Variants in UNC80 observed in about 807,000 individuals in gnomAD.
UNC80 encodes protein unc-80 homolog.
UNC80 carries 164 observed loss-of-function variants against 384.6 expected under a neutral mutation model. The ratio of observed to expected loss-of-function variants is 0.43; its 90% confidence interval spans 0.38 to 0.49. The LOEUF (loss-of-function observed/expected upper bound fraction) is 0.49, where lower values mean the gene tolerates loss of function less well. Among genes scored for constraint, UNC80 ranks in the 20% least tolerant of loss-of-function variants. The pLI is 0.00. For synonymous variants in UNC80, 1,486 were observed against 1,527.8 expected (o/e 0.97, Z 0.64); for missense variants, 3,330 against 4,143.0 (o/e 0.80, Z 5.39).
In UNC80 at chr2:209,831,104, C is replaced by CT. The variant is rs1203578351; in HGVS notation, c.2627-330dup. Among the ~76,000 whole-genome samples the CT allele has an allele frequency of 6.1e-5, 9 of 146,678 alleles. No individual in the cohort carries two copies. The East Asian group carries it at 8.0e-4, about 13-fold the overall frequency. Reference sequence around the variant, plus strand: ...GGTTATTTAGGAGCTTTTTTTTTTTCTTTTTTTTTCTGTAAGTGATCACCT... The same window carrying CT: ...GGTTATTTAGGAGCTTTTTTTTTTTCTTTTTTTTTTCTGTAAGTGATCACCT... On this transcript the variant is annotated intron_variant, in intron 15 of 64. Transcript: ENST00000673920.
rs575425346 is a variant in UNC80, at chr2:209,882,148, A to G, written c.4110+1054A>G. 7.9e-3 allele frequency among the ~76,000 whole-genome samples: 1,204 copies of G among 151,950 alleles called. 8 individuals carry two copies. The highest frequency in any genetic ancestry group is 0.013 in the Non-Finnish European group (888 of 67,938). ...TGCCTGGCTAATTTTTTGTATTTTC[A>G]GTAGAGACGGGGTTTCACCATGTTA... is the stretch of plus-strand genomic sequence containing the variant. On this transcript the variant is annotated intron_variant, in intron 25 of 64. Coordinates refer to ENST00000673920, the MANE Select transcript of UNC80 (RefSeq NM_001371986.1).
intron 28 of UNC80, among the ~76,000 whole-genome samples, chr2:209,897,785 G>A (rs1042080568): frequency 6.6e-6 from 1 of 152,124 alleles, no homozygotes; most frequent in African/African-American, 2.4e-5. Flanking sequence ...CAAGCATTGT[G>A]TAAGAACAGT....
At chr2:209,990,668 TTGTC>T (rs1447534275) in intron 61 of UNC80, among the ~76,000 whole-genome samples, 2 of 152,208 alleles carry the variant, frequency 1.3e-5, no homozygotes, top group African/African-American at 2.4e-5. Flanking sequence ...GCCAGCAACA[TTGTC>T]TGGATTGCTT....
chr2:209,868,550 T>G (rs543795897), intron 22 of UNC80, among the ~76,000 whole-genome samples: 2 of 152,314 alleles, frequency 1.3e-5, no homozygotes, highest in Admixed American at 1.3e-4. Context: ...AGTATCTCAA[T>G]TCTCTGCCTC....
intron 11 of UNC80, 43 bp downstream of exon 11, chr2:209,817,995 T>TTTTTTG: frequency 6.5e-7 from 1 of 1,547,658 alleles, no homozygotes; most frequent in South Asian, 1.2e-5. Context: ...TCAGAGTTCT[T>TTTTTTG]TTTTTGTTTT....
intron 26 of UNC80, among the ~76,000 whole-genome samples, chr2:209,890,418 T>A (rs1433514316): frequency 6.6e-6 from 1 of 152,180 alleles, no homozygotes; most frequent in Non-Finnish European, 1.5e-5. Context: ...CACTATCACT[T>A]GATTCCTTAG....
rs947876867 is a variant in UNC80, at chr2:209,946,980, C to T, written c.7286+1037C>T. Among the ~76,000 whole-genome samples the T allele has an allele frequency of 5.3e-5, 8 of 152,222 alleles. No individual in the cohort carries two copies. The East Asian group carries it at 5.8e-4, about 11-fold the overall frequency. On this transcript the variant is annotated intron_variant, in intron 47 of 64. Transcript: ENST00000673920. ...TAAGAAGTGTTTTCCCCAATATTCT[C>T]GAATTTTTGTCTTCTGGAGCAATGG...
chr2:209,808,742 C>A (rs903388937), intron 7 of UNC80: 2 of 238,958 alleles, frequency 8.4e-6, no homozygotes, highest in Admixed American at 5.2e-5. Flanking sequence ...AAGGCTCGGC[C>A]TAGTGAGTGG....
At chr2:209,937,432 A>G in intron 41 of UNC80, 97 bp from the exon 42 acceptor site, 1 of 883,334 alleles carries the variant, frequency 1.1e-6, no homozygotes, top group Non-Finnish European at 1.8e-6. Context: ...CTCCTGGCAT[A>G]GCATCCTAGT....
Position 209,839,450 on chromosome 2 carries a change from T to G in UNC80, c.3250+20T>G, listed in dbSNP as rs1307221575. On this transcript the variant is annotated intron_variant, in intron 19 of 64. Transcript: ENST00000673920. This position sits in a 1 kb window ranked among gnomAD's most constrained non-coding sequence, Gnocchi z 4.1. ...CCATAGGTAAAAGTATGTCTGTATTTGTTTATGGATTATCTTATTACCAAC... is the reference window on the plus strand; with the variant it reads ...CCATAGGTAAAAGTATGTCTGTATTGGTTTATGGATTATCTTATTACCAAC... 1.9e-6 allele frequency: 3 copies of G among 1,551,604 alleles called. No individual in the cohort carries two copies. Among genetic ancestry groups the G allele is most frequent in the Non-Finnish European group, 2.6e-6 (3 of 1,146,784 alleles).
intron 29 of UNC80, among the ~76,000 whole-genome samples, chr2:209,910,102 T>A (rs2088743981): frequency 6.6e-6 from 1 of 150,806 alleles, no homozygotes; most frequent in Admixed American, 6.6e-5. Flanking sequence ...AACTCAAGAC[T>A]AGTAACCCAA....
rs540511484 is a variant in UNC80, at chr2:209,894,281, G to A, written c.4395G>A (p.Lys1465=). The A allele has an allele frequency of 1.0e-6, 1 of 985,424 alleles. No individual in the cohort carries two copies. Among genetic ancestry groups the A allele is most frequent in the Non-Finnish European group, 1.2e-6 (1 of 829,930 alleles). The allele number at this position is 985,424 out of a possible 1,614,324, so 61.0% of individuals were successfully genotyped here. A position where few individuals can be genotyped will look rare whatever the true frequency, so the allele number is the denominator to read the frequency against. The change falls in exon 27 of 65, where the codon AAG becomes AAA. Residue 1465 remains lysine (K), a synonymous_variant. Transcript: ENST00000673920. ...LSSIRRVGSL[K]SSKLSRQDSE... is the part of the protein sequence containing the mutation. ...GCATTCGCCGGGTCGGCAGCTTAAA[G>A]AGCAGCAAGTTATCACGGCAGGACT...
rs551466259 is a variant in UNC80 at position 209,994,529 on chromosome 2, T to C, written c.9708+265T>C. Among the ~76,000 whole-genome samples, 12 of 152,298 alleles carry C rather than the reference T, an allele frequency of 7.9e-5. No homozygotes were observed. In the East Asian group the frequency reaches 1.9e-3, roughly 24 times the overall value. On this transcript the variant is annotated intron_variant, in intron 64 of 64. Coordinates refer to ENST00000673920, the MANE Select transcript of UNC80 (RefSeq NM_001371986.1). ...GGAAATACTTTGCAGCTAAAACAGC[T>C]CTTTAAAACAGGTTTATACAGGTTG... is the stretch of plus-strand genomic sequence containing the variant.
chr2:209,780,376 A>G (rs1314209174), intron 4 of UNC80, among the ~76,000 whole-genome samples: 1 of 152,184 alleles, frequency 6.6e-6, no homozygotes. Context: ...TGTCATTGCT[A>G]TGGGGAAAGC....
At chr2:209,955,379 C>T (rs900664001) in intron 48 of UNC80, among the ~76,000 whole-genome samples, 11 of 152,038 alleles carry the variant, frequency 7.2e-5, no homozygotes, top group African/African-American at 2.7e-4. Flanking sequence ...TCATGAGCTA[C>T]ATTGCCAAAC....
At chr2:209,893,248 G>A (rs1044060957) in intron 26 of UNC80, among the ~76,000 whole-genome samples, 2 of 152,066 alleles carry the variant, frequency 1.3e-5, no homozygotes, top group Non-Finnish European at 2.9e-5. Context: ...TATAAAATTG[G>A]CCCCTTCCTG....
rs2085245386 is a variant in UNC80, at chr2:209,881,079, C to T, written c.4095C>T (p.Arg1365=). ...RETFSCLPRP[R]TEPLVDLESC... is the part of the protein sequence containing the mutation. ...CCTTTTCTTGCCTGCCCAGACCTCG[C>T]ACTGAGCCTCTGGTGGTAAGTTAAA... Residue 1365 remains arginine (R), a synonymous_variant, in exon 25 of 65, where the codon CGC becomes CGT. Transcript: ENST00000673920. The T allele has an allele frequency of 1.3e-6, 2 of 1,551,690 alleles. No homozygotes were observed. The highest frequency in any genetic ancestry group is 1.7e-6 in the Non-Finnish European group (2 of 1,146,994).
chr2:209,980,729 T>C (rs996265141), intron 59 of UNC80, among the ~76,000 whole-genome samples: 1 of 152,184 alleles, frequency 6.6e-6, no homozygotes, highest in Non-Finnish European at 1.5e-5. Flanking sequence ...GATATAGTTA[T>C]GTAGAGGAGA....
intron 21 of UNC80, chr2:209,845,214 A>G (rs73986423): frequency 0.27 from 41,204 of 152,030 alleles, 6,296 homozygotes; most frequent in East Asian, 0.39. Context: ...CCCTGATCTC[A>G]GACTTCCAGC....
Sources: allele counts gnomAD v4.1 joint callset (sites outside exome capture counted in the v4.1 genomes callset), GRCh38; gene constraint gnomAD v4.1.1; non-coding constraint Gnocchi (gnomAD v3.1); transcripts MANE v1.5; gene names NCBI Gene and HGNC (gene_info 2026-07-23, HGNC 2026-07-21).